Variants in SPEF2 observed in about 807,000 individuals in gnomAD.
SPEF2 encodes sperm flagella and cilia-associated protein 2.
SPEF2 carries 187 observed loss-of-function variants against 224.6 expected under a neutral mutation model. That is an observed-to-expected ratio of 0.83 (90% CI 0.74 to 0.94). The LOEUF (loss-of-function observed/expected upper bound fraction) is 0.94, where lower values mean the gene tolerates loss of function less well. SPEF2 is among the 40% of genes least tolerant of loss of function. The pLI is 0.00. For missense variants in SPEF2, 2,170 were observed against 2,135.6 expected (o/e 1.02, Z -0.32); for synonymous variants, 715 against 707.3 (o/e 1.01, Z -0.17).
chr5:35,688,072 G>A (rs758910593), intron 10 of SPEF2, among the ~76,000 whole-genome samples: 4 of 152,146 alleles, frequency 2.6e-5, no homozygotes, highest in African/African-American at 9.6e-5. Context: ...TAGGCTCAAG[G>A]TTAAACTTCC....
At chr5:35,809,962 C>G (rs538342912) in intron 36 of SPEF2, among the ~76,000 whole-genome samples, 1 of 152,176 alleles carries the variant, frequency 6.6e-6, no homozygotes, top group Non-Finnish European at 1.5e-5. Context: ...TTGCTGATTA[C>G]AAGTAGGAGC....
At chr5:35,799,899 T>G in intron 33 of SPEF2, 69 bp from the exon 34 acceptor site, 1 of 1,550,232 alleles carries the variant, frequency 6.5e-7, no homozygotes. Context: ...GGGAGATTCT[T>G]CATTGCATGA....
chr5:35,723,438 A>T (rs1744127690), intron 20 of SPEF2, among the ~76,000 whole-genome samples: 1 of 152,122 alleles, frequency 6.6e-6, no homozygotes, highest in Non-Finnish European at 1.5e-5. Context: ...TAACGAGCCC[A>T]CTAGAGGATC....
At chr5:35,646,892 AAACTTC>A in intron 5 of SPEF2, 85 bp downstream of exon 5, 2 of 1,442,904 alleles carry the variant, frequency 1.4e-6, no homozygotes, top group Non-Finnish European at 1.9e-6. Context: ...AGACTTTCCA[AAACTTC>A]ACATTTGCTT....
intron 24 of SPEF2, among the ~76,000 whole-genome samples, chr5:35,757,433 T>C (rs1331691672): frequency 6.6e-6 from 1 of 152,176 alleles, no homozygotes; most frequent in Non-Finnish European, 1.5e-5. Context: ...TCCTGATTTC[T>C]AAATTTATTT....
chr5:35,708,706 A>T (rs111490375), intron 18 of SPEF2, among the ~76,000 whole-genome samples: 420 of 7,272 alleles, frequency 0.058, no homozygotes, highest in Non-Finnish European at 0.07. Context: ...CATCACCACC[A>T]CTACCCATCA....
chr5:35,763,483 C>A (rs761128975), intron 25 of SPEF2, 39 bp from the exon 26 acceptor site: 9 of 1,495,802 alleles, frequency 6.0e-6, no homozygotes, highest in Non-Finnish European at 7.1e-6. Context: ...TTTTGTTAAG[C>A]AAAATTTTTT....
intron 3 of SPEF2, 78 bp downstream of exon 3, chr5:35,641,761 T>A: frequency 6.8e-7 from 1 of 1,480,498 alleles, no homozygotes; most frequent in Non-Finnish European, 9.1e-7. Flanking sequence ...TATTGAATTC[T>A]CAAAGAAGCC....
In SPEF2 at chr5:35,787,329, G is replaced by C. The variant is rs73088209; in HGVS notation, c.4448-5011G>C. On this transcript the variant is annotated intron_variant, in intron 30 of 36. Transcript: ENST00000356031. The stretch of plus-strand genomic sequence containing the variant: ...GCAACAGAAGGTAGGACTTAGGCAG[G>C]AGGGAAGGGATGTCCAAGGCAGACC... 4.5e-3 allele frequency among the ~76,000 whole-genome samples: 683 copies of C among 151,752 alleles called. 6 individuals are homozygous for C. Among genetic ancestry groups the C allele is most frequent in the African/African-American group, 0.015 (639 of 41,278 alleles).
intron 21 of SPEF2, among the ~76,000 whole-genome samples, chr5:35,735,896 A>T (rs538165471): frequency 6.6e-6 from 1 of 152,220 alleles, no homozygotes; most frequent in Non-Finnish European, 1.5e-5. Context: ...TTCATGCTAG[A>T]CAGTTTCCTA....
At chr5:35,709,194 G>A in intron 19 of SPEF2, 73 bp downstream of exon 19, 2 of 1,578,388 alleles carry the variant, frequency 1.3e-6, no homozygotes, top group East Asian at 2.3e-5. Context: ...ATAAATTATA[G>A]TCTATCTACA....
At chr5:35,621,472 A>G (rs2149354351) in intron 1 of SPEF2, among the ~76,000 whole-genome samples, 1 of 152,292 alleles carries the variant, frequency 6.6e-6, no homozygotes, top group South Asian at 2.1e-4. Context: ...TAGGTCCTAT[A>G]TTGTACATTA....
At chr5:35,759,855 TG>T in intron 25 of SPEF2, 136 bp downstream of exon 25, 2 of 787,464 alleles carry the variant, frequency 2.5e-6, no homozygotes, top group South Asian at 3.2e-5. Context: ...TAACCAAACA[TG>T]TTTTTTTTTT....
At chr5:35,634,472 G>A (rs2149384802) in intron 2 of SPEF2, among the ~76,000 whole-genome samples, 1 of 152,142 alleles carries the variant, frequency 6.6e-6, no homozygotes, top group African/African-American at 2.4e-5. Flanking sequence ...AATATGTCTA[G>A]GTGTAGATAT....
chr5:35,658,207 C>G (rs187067523), intron 7 of SPEF2, among the ~76,000 whole-genome samples: 1 of 152,244 alleles, frequency 6.6e-6, no homozygotes, highest in African/African-American at 2.4e-5. Flanking sequence ...GGCCACCCAG[C>G]CTATTATGAT....
In SPEF2 at chr5:35,700,687, T is replaced by C; in HGVS notation, c.2333T>C (p.Phe778Ser). ...SKEIPLPSPAFDFVILLDVSD... is the reference protein window; with the variant it reads ...SKEIPLPSPASDFVILLDVSD... ...GAAATACCTCTTCCCTCTCCTGCAT[T>C]TGATTTTGTCATATTATTAGATGTT... The change falls in exon 16 of 37, where the codon TTT becomes TCT. Residue 778 changes from phenylalanine to serine, a missense_variant. Transcript: ENST00000356031. The C allele has an allele frequency of 6.2e-7, 1 of 1,614,000 alleles. No homozygotes were observed. The highest frequency in any genetic ancestry group is 8.5e-7 in the Non-Finnish European group (1 of 1,179,920).
chr5:35,807,027 C>A lies in SPEF2; in HGVS notation c.5256+75C>A, dbSNP rs1266207222. ...TTATGGAATTGCTCTCAAAATATAT[C>A]ATAGTATGAAATTATACAGAATCTC... On this transcript the variant is annotated intron_variant, in intron 35 of 36. Coordinates refer to ENST00000356031, the MANE Select transcript of SPEF2 (RefSeq NM_024867.4). 9 of 1,559,160 alleles carry A rather than the reference C, an allele frequency of 5.8e-6. No homozygotes were observed. The Admixed American group carries it at 1.2e-4, about 21-fold the overall frequency.
At chr5:35,777,466 CT>C (rs1160992413) in intron 29 of SPEF2, among the ~76,000 whole-genome samples, 1 of 152,052 alleles carries the variant, frequency 6.6e-6, no homozygotes, top group Non-Finnish European at 1.5e-5. Context: ...TGTTCTCTGC[CT>C]GCTATTTTGA....
intron 10 of SPEF2, among the ~76,000 whole-genome samples, chr5:35,674,672 A>G (rs1000003051): frequency 1.3e-5 from 2 of 151,690 alleles, no homozygotes; most frequent in Non-Finnish European, 2.9e-5. Flanking sequence ...ATGATGGTTT[A>G]CGAAAACTAA....
Sources: allele counts gnomAD v4.1 joint callset (sites outside exome capture counted in the v4.1 genomes callset), GRCh38; gene constraint gnomAD v4.1.1; transcripts MANE v1.5; gene names NCBI Gene and HGNC (gene_info 2026-07-23, HGNC 2026-07-21).